NELL1: variants seen among roughly 807,000 people sequenced by gnomAD.
NELL1 encodes the protein neural EGFL like 1.
Under a neutral mutation model 107.4 loss-of-function variants are expected in NELL1, and 76 were observed. That is an observed-to-expected ratio of 0.71 (90% CI 0.59 to 0.86). The LOEUF is 0.86. Among genes scored for constraint, NELL1 ranks in the 40% least tolerant of loss-of-function variants. The pLI, the probability that NELL1 is intolerant of heterozygous loss-of-function variation, is 0.00. For synonymous variants in NELL1, 353 were observed against 341.2 expected, an observed-to-expected ratio of 1.03 and a Z score of -0.38; for missense variants, 1,024 against 1,005.5, an observed-to-expected ratio of 1.02 and a Z score of -0.25.
intron 14 of NELL1, among the ~76,000 whole-genome samples, chr11:21,242,769 G>A (rs1054650282): frequency 5.3e-5 from 8 of 152,096 alleles, no homozygotes; most frequent in Non-Finnish European, 1.0e-4. Flanking sequence ...AAAGACAGTT[G>A]CTTTTTATCT....
intron 2 of NELL1, among the ~76,000 whole-genome samples, chr11:20,707,110 T>G (rs1330977328): frequency 6.6e-6 from 1 of 152,248 alleles, no homozygotes; most frequent in African/African-American, 2.4e-5. Context: ...TTTCATTCAT[T>G]TGGTCTTCAA....
intron 14 of NELL1, among the ~76,000 whole-genome samples, chr11:21,347,728 CATTATT>C (rs1456144530): frequency 6.6e-6 from 1 of 152,106 alleles, no homozygotes; most frequent in Admixed American, 6.5e-5. Flanking sequence ...AACACTGAGT[CATTATT>C]ATTAGTAAGA....
At chr11:21,043,127 TG>T (rs1565029951) in intron 12 of NELL1, among the ~76,000 whole-genome samples, 2 of 152,144 alleles carry the variant, frequency 1.3e-5, no homozygotes, top group Non-Finnish European at 2.9e-5. Context: ...CAAGAAAATT[TG>T]CCAGTCCCAT....
intron 14 of NELL1, among the ~76,000 whole-genome samples, chr11:21,298,707 T>G (rs1450616051): frequency 6.6e-6 from 1 of 151,984 alleles, no homozygotes; most frequent in Non-Finnish European, 1.5e-5. Context: ...AGTAGCAGGA[T>G]GTATACCATC....
chr11:21,443,570 G>A (rs1180461059), intron 15 of NELL1, among the ~76,000 whole-genome samples: 1 of 151,634 alleles, frequency 6.6e-6, no homozygotes, highest in Non-Finnish European at 1.5e-5. Flanking sequence ...GGAAATGGGA[G>A]TTTATTGTTT....
chr11:20,876,326 T>A (rs1590371134), intron 4 of NELL1, among the ~76,000 whole-genome samples: 1 of 152,250 alleles, frequency 6.6e-6, no homozygotes, highest in Admixed American at 6.5e-5. Flanking sequence ...GAGTGTCATC[T>A]GGATTTGTTA....
rs577202976 is a variant in NELL1, at chr11:20,674,494, G to A, written c.56-3438G>A. The A allele has an allele frequency of 2.4e-5, 37 of 1,536,058 alleles. No individual in the cohort carries two copies. In the African/African-American group the frequency reaches 2.6e-4, roughly 11 times the overall value. On this transcript the variant is annotated intron_variant, in intron 1 of 19. Transcript: ENST00000357134. The stretch of plus-strand genomic sequence containing the variant: ...AAACATGAAATTTCCTACAGCAGAA[G>A]ATATGAAGCCACCCGTGTTATCGCT...
At chr11:20,986,431 T>G (rs1484043769) in intron 12 of NELL1, among the ~76,000 whole-genome samples, 1 of 152,222 alleles carries the variant, frequency 6.6e-6, no homozygotes, top group African/African-American at 2.4e-5. Context: ...GCTTGTCTTA[T>G]TGACCTTTTC....
At chr11:21,395,920 A>G (rs528681446) in intron 15 of NELL1, among the ~76,000 whole-genome samples, 1 of 151,692 alleles carries the variant, frequency 6.6e-6, no homozygotes, top group South Asian at 2.1e-4. Flanking sequence ...AAAAAACAAA[A>G]AAAGATCAAC....
chr11:20,959,440 G>C (rs1036920403), intron 11 of NELL1, among the ~76,000 whole-genome samples: 9 of 152,114 alleles, frequency 5.9e-5, no homozygotes, highest in Admixed American at 5.9e-4. Context: ...CCATCAATCA[G>C]AGTGGATAAA....
chr11:21,058,896 T>C (rs1414637390), intron 12 of NELL1, among the ~76,000 whole-genome samples: 1 of 152,138 alleles, frequency 6.6e-6, no homozygotes, highest in East Asian at 1.9e-4. Flanking sequence ...TTTATTGTTA[T>C]CTTTTTGGTT....
At chr11:21,177,805 C>T (rs955218774) in intron 13 of NELL1, among the ~76,000 whole-genome samples, 5 of 151,626 alleles carry the variant, frequency 3.3e-5, no homozygotes, top group East Asian at 3.9e-4. Context: ...TTTTTATAAT[C>T]GTTCTAACAG....
chr11:21,294,535 T>G (rs1565153150), intron 14 of NELL1, among the ~76,000 whole-genome samples: 1 of 152,088 alleles, frequency 6.6e-6, no homozygotes. Context: ...ATAGTGATTA[T>G]AGTTATTATG....
At chr11:21,336,859 A>G (rs2133694861) in intron 14 of NELL1, among the ~76,000 whole-genome samples, 1 of 152,160 alleles carries the variant, frequency 6.6e-6, no homozygotes, top group African/African-American at 2.4e-5. Context: ...AAATCACAGG[A>G]AATAAAAGTT....
intron 13 of NELL1, among the ~76,000 whole-genome samples, chr11:21,129,072 T>A (rs907755944): frequency 2.6e-5 from 4 of 152,210 alleles, no homozygotes; most frequent in African/African-American, 7.2e-5. Flanking sequence ...CTAGCTCCCT[T>A]TTCCTCTTGA....
intron 1 of NELL1, among the ~76,000 whole-genome samples, chr11:20,672,281 T>C (rs1644301391): frequency 6.6e-6 from 1 of 152,238 alleles, no homozygotes; most frequent in Non-Finnish European, 1.5e-5. Flanking sequence ...AACAGCTGCG[T>C]TGAAAGTTTC....
intron 14 of NELL1, among the ~76,000 whole-genome samples, chr11:21,279,760 G>T (rs978300287): frequency 1.1e-4 from 17 of 152,160 alleles, no homozygotes; most frequent in African/African-American, 3.9e-4. Flanking sequence ...ACCAAAACCT[G>T]CAAACAGATT....
intron 9 of NELL1, among the ~76,000 whole-genome samples, chr11:20,936,433 C>G (rs1405467875): frequency 6.6e-6 from 1 of 152,154 alleles, no homozygotes; most frequent in Non-Finnish European, 1.5e-5. Flanking sequence ...TTAGGCATGT[C>G]CCTGGACTTT....
intron 15 of NELL1, among the ~76,000 whole-genome samples, chr11:21,440,786 G>T (rs942339366): frequency 2.0e-5 from 3 of 152,048 alleles, no homozygotes; most frequent in African/African-American, 7.2e-5. Context: ...AAAAGGCCTT[G>T]GTATTGGGTA....
Sources: allele counts gnomAD v4.1 joint callset (sites outside exome capture counted in the v4.1 genomes callset), GRCh38; gene constraint gnomAD v4.1.1; transcripts MANE v1.5; gene names NCBI Gene and HGNC (gene_info 2026-07-23, HGNC 2026-07-21).